Variants in RTF1 observed in about 807,000 individuals in gnomAD.
RTF1 encodes RTF1 homolog, Paf1/RNA polymerase II complex component.
A neutral mutation model predicts 95.7 loss-of-function variants in RTF1; 10 were observed. The observed-to-expected ratio is 0.10, with a 90% CI of 0.06 to 0.18. RTF1 has a LOEUF of 0.18. Ranked by LOEUF, RTF1 falls within the 10% of genes least tolerant of loss-of-function variation. The probability of loss-of-function intolerance (pLI) is 1.00; values close to 1 mark genes in which losing one functional copy is unlikely to be tolerated. For missense variants in RTF1, 458 were observed against 875.6 expected (o/e 0.52, Z 6.02); for synonymous variants, 305 against 311.8 (o/e 0.98, Z 0.23).
Position 41,430,011 on chromosome 15 carries a change from C to CT in RTF1, c.199-8296dup, listed in dbSNP as rs747303648. Among the ~76,000 whole-genome samples the CT allele has an allele frequency of 9.8e-3, 1,269 of 129,964 alleles. 22 individuals carry two copies. The highest frequency in any genetic ancestry group is 0.025 in the African/African-American group (899 of 35,760). The allele number at this position is 129,964 out of a possible 152,430, so 85.3% of individuals were successfully genotyped here. On this transcript the variant is annotated intron_variant, in intron 1 of 17. Coordinates refer to ENST00000389629, the MANE Select transcript of RTF1 (RefSeq NM_015138.5). ...TTTAATTTATTTTATTTTTTCTTTTCTTTTTTTTTTTTTTGAGACAGAGTC... is the reference window on the plus strand; with the variant it reads ...TTTAATTTATTTTATTTTTTCTTTTCTTTTTTTTTTTTTTTGAGACAGAGTC...
At chr15:41,448,020 A>G (rs1225340135) in intron 2 of RTF1, among the ~76,000 whole-genome samples, 1 of 152,150 alleles carries the variant, frequency 6.6e-6, no homozygotes, top group Non-Finnish European at 1.5e-5. Flanking sequence ...CCTCTGTCTC[A>G]GAATCAGGTG....
chr15:41,445,829 G>A (rs2050758038), intron 2 of RTF1, among the ~76,000 whole-genome samples: 1 of 150,438 alleles, frequency 6.6e-6, no homozygotes, highest in African/African-American at 2.4e-5. Context: ...TCTGCCTCCT[G>A]GGTTCAGGCA....
chr15:41,454,982 T>G (rs578131045), intron 3 of RTF1, among the ~76,000 whole-genome samples: 9 of 152,136 alleles, frequency 5.9e-5, no homozygotes, highest in Non-Finnish European at 8.8e-5. Flanking sequence ...GCTTATACTC[T>G]TCAAAAATTC....
chr15:41,444,326 C>T (rs1480627768), intron 2 of RTF1, among the ~76,000 whole-genome samples: 1 of 151,034 alleles, frequency 6.6e-6, no homozygotes, highest in African/African-American at 2.4e-5. Flanking sequence ...CAGAGTCTTG[C>T]TCTGTCATCC....
At chr15:41,419,433 C>T (rs1452618576) in intron 1 of RTF1, among the ~76,000 whole-genome samples, 2 of 152,162 alleles carry the variant, frequency 1.3e-5, no homozygotes, top group East Asian at 3.9e-4. Flanking sequence ...GGGATTTGAA[C>T]CCAGATCTGC....
intron 2 of RTF1, among the ~76,000 whole-genome samples, chr15:41,446,109 C>CT (rs1177945850): frequency 2.6e-5 from 4 of 152,012 alleles, no homozygotes; most frequent in Admixed American, 6.6e-5. Flanking sequence ...TCAAACACAT[C>CT]TTTTTTGTGG....
chr15:41,424,291 C>T (rs1055814235), intron 1 of RTF1, among the ~76,000 whole-genome samples: 1 of 152,040 alleles, frequency 6.6e-6, no homozygotes, highest in African/African-American at 2.4e-5. Context: ...ATGAGAGTGA[C>T]ATTGAAACAG....
intron 4 of RTF1, among the ~76,000 whole-genome samples, chr15:41,460,121 GTTTTT>G (rs869235078): frequency 5.5e-4 from 46 of 83,442 alleles, no homozygotes; most frequent in Non-Finnish European, 4.9e-4. Flanking sequence ...TTTTGTTTTT[GTTTTT>G]TTTTTTTTTT....
In RTF1 at chr15:41,464,857, A is replaced by G. The variant is rs550069694; in HGVS notation, c.749A>G (p.Lys250Arg). ...AAGCAAGAAGAGGAGCAAGAAAAGAAAAAACTGACACAGATTCAAGAATCT... is the reference window on the plus strand; with the variant it reads ...AAGCAAGAAGAGGAGCAAGAAAAGAGAAAACTGACACAGATTCAAGAATCT... Reference protein sequence around the residue: ...KKKQEEEQEKKKLTQIQESQV... With the variant: ...KKKQEEEQEKRKLTQIQESQV... The change falls in exon 5 of 18, where the codon AAA becomes AGA. Residue 250 changes from lysine to arginine, a missense_variant. Physicochemically the swap from Lys to Arg is conservative, Grantham distance 26. Around this residue, in one of 11 missense-constraint regions of RTF1, gnomAD observed 39 missense variants for 43.8 expected, o/e 0.89. Coordinates refer to ENST00000389629, the MANE Select transcript of RTF1 (RefSeq NM_015138.5). 6.5e-7 allele frequency: 1 copy of G among 1,536,318 alleles called. No homozygotes were observed. The highest frequency in any genetic ancestry group is 2.4e-5 in the East Asian group (1 of 41,218).
At chr15:41,469,300 C>T (rs2050897319) in intron 6 of RTF1, among the ~76,000 whole-genome samples, 1 of 151,878 alleles carries the variant, frequency 6.6e-6, no homozygotes, top group Non-Finnish European at 1.5e-5. Flanking sequence ...ATCGTAAGTA[C>T]ACAGATTAAC....
chr15:41,460,879 CTTTTTTT>C (rs765169928), intron 4 of RTF1, among the ~76,000 whole-genome samples: 2 of 135,394 alleles, frequency 1.5e-5, no homozygotes, highest in East Asian at 2.1e-4. Context: ...TCTTTTTTTT[CTTTTTTT>C]TTTTTTTTGA....
intron 1 of RTF1, among the ~76,000 whole-genome samples, chr15:41,431,511 G>C (rs920195491): frequency 6.6e-6 from 1 of 151,900 alleles, no homozygotes; most frequent in African/African-American, 2.4e-5. Context: ...CACCGCGCCC[G>C]ACTGGGTTTT....
chr15:41,462,179 T>C (rs934997768), intron 4 of RTF1, among the ~76,000 whole-genome samples: 3 of 152,188 alleles, frequency 2.0e-5, no homozygotes, highest in Non-Finnish European at 4.4e-5. Flanking sequence ...GGCAGTGCAA[T>C]ATGGAAACTC....
chr15:41,466,626 A>G (rs973892931), intron 6 of RTF1, among the ~76,000 whole-genome samples: 7 of 152,188 alleles, frequency 4.6e-5, no homozygotes, highest in African/African-American at 1.4e-4. Context: ...AAATTTTTCT[A>G]TTTGTTTTGT....
At chr15:41,468,211 C>T (rs1785303569) in intron 6 of RTF1, among the ~76,000 whole-genome samples, 1 of 150,060 alleles carries the variant, frequency 6.7e-6, no homozygotes, top group Admixed American at 6.6e-5. Context: ...TCCTAGTAGC[C>T]ACTGATGGTC....
chr15:41,455,351 G>T (rs2050807865), intron 3 of RTF1, among the ~76,000 whole-genome samples: 1 of 151,968 alleles, frequency 6.6e-6, no homozygotes. Context: ...TATGCCATGG[G>T]ATATTAGCCA....
chr15:41,469,938 T>G (rs973697849), intron 6 of RTF1, among the ~76,000 whole-genome samples: 4 of 152,228 alleles, frequency 2.6e-5, no homozygotes, highest in African/African-American at 9.6e-5. Context: ...ATCATGAGTC[T>G]TTCCCCCTCT....
At chr15:41,435,801 T>C (rs1426493614) in intron 1 of RTF1, among the ~76,000 whole-genome samples, 1 of 152,206 alleles carries the variant, frequency 6.6e-6, no homozygotes, top group African/African-American at 2.4e-5. Flanking sequence ...TGATCCATAA[T>C]TGTATAGCAC....
chr15:41,427,145 ATTT>A (rs1225127893), intron 1 of RTF1, among the ~76,000 whole-genome samples: 8,669 of 78,002 alleles, frequency 0.11, 509 homozygotes, highest in African/African-American at 0.23. Flanking sequence ...TGGTCTACAA[ATTT>A]TTTTTTTTTT....
Sources: allele counts gnomAD v4.1 joint callset (sites outside exome capture counted in the v4.1 genomes callset), GRCh38; gene constraint gnomAD v4.1.1; regional missense constraint gnomAD v4.1.1; transcripts MANE v1.5; gene names NCBI Gene and HGNC (gene_info 2026-07-23, HGNC 2026-07-21).